Variants in LRRC1 observed in about 807,000 individuals in gnomAD.
LRRC1 encodes the protein leucine-rich repeat-containing protein 1.
Under a neutral mutation model 69.9 loss-of-function variants are expected in LRRC1, and 28 were observed. The ratio of observed to expected loss-of-function variants is 0.40; its 90% CI spans 0.30 to 0.55. LRRC1 has a LOEUF of 0.55. Ranked by LOEUF, LRRC1 falls within the 20% of genes least tolerant of loss-of-function variation. The probability of loss-of-function intolerance (pLI) is 0.47; values close to 1 mark genes in which losing one functional copy is unlikely to be tolerated. For missense variants in LRRC1, 498 were observed against 609.0 expected (o/e 0.82, Z 1.92); for synonymous variants, 236 against 240.2 (o/e 0.98, Z 0.16).
At chr6:53,796,285 T>G (rs1764300294) in intron 1 of LRRC1, among the ~76,000 whole-genome samples, 1 of 152,218 alleles carries the variant, frequency 6.6e-6, no homozygotes, top group Non-Finnish European at 1.5e-5. Context: ...CTGATGGTGC[T>G]TTGACCGAGA....
At chr6:53,807,071 G>T (rs962782878) in intron 1 of LRRC1, among the ~76,000 whole-genome samples, 9 of 152,298 alleles carry the variant, frequency 5.9e-5, no homozygotes, top group Admixed American at 5.2e-4. Context: ...ACAGTTTGGG[G>T]ACTGACCATT....
chr6:53,919,588 G>A lies in LRRC1; in HGVS notation c.1197G>A (p.Gln399=), dbSNP rs374937157. The A allele has an allele frequency of 2.3e-4, 369 of 1,613,654 alleles. 2 individuals are homozygous for A. The South Asian group carries it at 3.7e-3, about 16-fold the overall frequency. Residue 399 remains glutamine (Q), a synonymous_variant, in exon 12 of 14, where the codon CAG becomes CAA. Transcript: ENST00000370888. ...AGTCCCAGCCCCTGCTTACATTCCA[G>A]ACAGACACAGACTACACCACAGGAG... ...DNQSQPLLTF[Q]TDTDYTTGEK...
chr6:53,839,917 A>G (rs996203675), intron 1 of LRRC1, among the ~76,000 whole-genome samples: 31 of 152,298 alleles, frequency 2.0e-4, no homozygotes, highest in African/African-American at 6.7e-4. Context: ...ACTTCCAAAC[A>G]TGTCAGATAA....
chr6:53,838,472 G>A (rs1765674966), intron 1 of LRRC1, among the ~76,000 whole-genome samples: 1 of 152,160 alleles, frequency 6.6e-6, no homozygotes, highest in South Asian at 2.1e-4. Flanking sequence ...GTACCTTATT[G>A]ACTTGATTTC....
chr6:53,897,099 G>GA lies in LRRC1; in HGVS notation c.568-183dup, dbSNP rs531156057. ...GGACTAGAGATGATGGACATAGGTG[G>GA]AAACAACTGGCATTCTTGGGGAAAG... On this transcript the variant is annotated intron_variant, in intron 6 of 13. Transcript: ENST00000370888. Among the ~76,000 whole-genome samples, 20 of 152,290 alleles carry GA rather than the reference G, an allele frequency of 1.3e-4. No individual in the cohort carries two copies. The East Asian group carries it at 3.5e-3, about 26-fold the overall frequency.
intron 5 of LRRC1, 80 bp downstream of exon 5, chr6:53,896,634 G>T (rs1044919978): frequency 4.4e-5 from 59 of 1,338,794 alleles, no homozygotes; most frequent in Non-Finnish European, 4.3e-6. Flanking sequence ...ACAGTATTAC[G>T]TGAAAACATT....
intron 2 of LRRC1, among the ~76,000 whole-genome samples, chr6:53,863,648 A>G (rs1018926433): frequency 1.3e-5 from 2 of 152,170 alleles, no homozygotes; most frequent in Non-Finnish European, 2.9e-5. Context: ...TGACCTTGGT[A>G]TTCTCCTCAA....
At chr6:53,814,234 C>T (rs934594432) in intron 1 of LRRC1, among the ~76,000 whole-genome samples, 6 of 152,080 alleles carry the variant, frequency 3.9e-5, no homozygotes, top group African/African-American at 1.4e-4. Context: ...AGTTTTTAAA[C>T]TCAGTGAATT....
rs1386932866 is a variant in LRRC1 at position 53,842,070 on chromosome 6, A to G, written c.160-40A>G. The G allele has an allele frequency of 3.1e-6, 4 of 1,291,890 alleles. No homozygotes were observed. In the East Asian group the frequency reaches 9.3e-5, roughly 30 times the overall value. 80.0% of individuals were successfully genotyped at this position (1,291,890 alleles called of 1,614,324 possible). ...TAGTAGCCCAAAAGTTTATGATACA[A>G]ACATATGTGAAATCTATGTTAAACT... On this transcript the variant is annotated intron_variant, in intron 1 of 13. Coordinates refer to ENST00000370888, the MANE Select transcript of LRRC1 (RefSeq NM_018214.5).
chr6:53,920,213 G>C (rs1003415795), intron 12 of LRRC1, among the ~76,000 whole-genome samples: 1 of 152,182 alleles, frequency 6.6e-6, no homozygotes, highest in African/African-American at 2.4e-5. Context: ...AGAAAAACGT[G>C]GTGGAGTGTG....
chr6:53,902,240 T>C (rs987751972), intron 8 of LRRC1, among the ~76,000 whole-genome samples: 1 of 152,232 alleles, frequency 6.6e-6, no homozygotes, highest in Non-Finnish European at 1.5e-5. Context: ...TTTTCATTCA[T>C]AGGTGATTTA....
At chr6:53,858,276 T>A (rs908601538) in intron 2 of LRRC1, among the ~76,000 whole-genome samples, 2 of 151,828 alleles carry the variant, frequency 1.3e-5, no homozygotes, top group African/African-American at 2.4e-5. Context: ...TTTTTTTTTT[T>A]AATTATAAAA....
chr6:53,896,562 T>G lies in LRRC1; in HGVS notation c.503+8T>G, dbSNP rs1767880445. 6.2e-7 allele frequency: 1 copy of G among 1,608,584 alleles called. No individual in the cohort carries two copies. The highest frequency in any genetic ancestry group is 8.5e-7 in the Non-Finnish European group (1 of 1,175,106). On this transcript the variant is annotated splice_region_variant and intron_variant, in intron 5 of 13. Transcript: ENST00000370888. ...TCTTACATATCTTCCTGAGTGAGTC[T>G]TTGGGGAAAATAAGAGGAGATTTTG...
chr6:53,835,828 G>A (rs533157266), intron 1 of LRRC1, among the ~76,000 whole-genome samples: 3 of 152,114 alleles, frequency 2.0e-5, no homozygotes, highest in East Asian at 1.9e-4. Context: ...CATATCTGAG[G>A]TTTCTACCTC....
At chr6:53,901,481 G>A (rs948886552) in intron 8 of LRRC1, among the ~76,000 whole-genome samples, 1 of 152,002 alleles carries the variant, frequency 6.6e-6, no homozygotes, top group African/African-American at 2.4e-5. Context: ...AGGAGTTTGA[G>A]GCTGCGGTGA....
chr6:53,868,308 G>C lies in LRRC1; in HGVS notation c.278-10685G>C, dbSNP rs111502391. Among the ~76,000 whole-genome samples the C allele has an allele frequency of 8.4e-3, 1,257 of 149,758 alleles. 14 individuals are homozygous for C. The highest frequency in any genetic ancestry group is 0.028 in the African/African-American group (1,150 of 40,560). On this transcript the variant is annotated intron_variant, in intron 2 of 13. Transcript: ENST00000370888. ...CTGATCTTGGCTCACGGCAACCTCTGCCTCCCGCGTTTAAGCGATTCTCCT... is the reference window on the plus strand; with the variant it reads ...CTGATCTTGGCTCACGGCAACCTCTCCCTCCCGCGTTTAAGCGATTCTCCT...
intron 8 of LRRC1, among the ~76,000 whole-genome samples, chr6:53,900,256 C>G (rs1407715966): frequency 2.0e-5 from 3 of 151,990 alleles, no homozygotes; most frequent in Non-Finnish European, 4.4e-5. Context: ...CCAGGATGGT[C>G]TCGTTCTCCT....
chr6:53,906,692 C>T (rs758525149), intron 10 of LRRC1, among the ~76,000 whole-genome samples: 5 of 152,170 alleles, frequency 3.3e-5, no homozygotes, highest in Non-Finnish European at 5.9e-5. Context: ...TTTTTCATGA[C>T]GTGAAAAGTG....
At chr6:53,887,736 C>T (rs1240971871) in intron 4 of LRRC1, among the ~76,000 whole-genome samples, 1 of 152,044 alleles carries the variant, frequency 6.6e-6, no homozygotes, top group East Asian at 1.9e-4. Flanking sequence ...AATGTTGTTT[C>T]GTGAACCTTT....
Sources: gnomAD v4.1 joint callset for allele counts (sites outside exome capture counted in the v4.1 genomes callset) on GRCh38, gnomAD v4.1.1 for gene constraint, MANE v1.5 for transcripts, NCBI Gene and HGNC (gene_info 2026-07-23, HGNC 2026-07-21) for gene names.